RAD51B: variants seen among roughly 807,000 people sequenced by gnomAD.
RAD51B encodes DNA repair protein RAD51 homolog 2.
A neutral mutation model predicts 42.2 loss-of-function variants in RAD51B; 38 were observed. That is an observed-to-expected ratio of 0.90 (90% confidence interval 0.70 to 1.18). The LOEUF is 1.18. Ranked by LOEUF, RAD51B falls within the 50% of genes most tolerant of loss-of-function variation. The pLI, the probability that RAD51B is intolerant of heterozygous loss-of-function variation, is 0.00. For synonymous variants in RAD51B, 154 were observed against 145.2 expected, an observed-to-expected ratio of 1.06 and a Z score of -0.43; for missense variants, 373 against 400.7, an observed-to-expected ratio of 0.93 and a Z score of 0.59.
intron 10 of RAD51B, among the ~76,000 whole-genome samples, chr14:68,552,051 G>A (rs866692468): frequency 6.6e-6 from 1 of 152,198 alleles, no homozygotes. Context: ...CATTCTGTGC[G>A]TGTTTGTTTG....
chr14:67,960,220 A>T (rs1462575608), intron 7 of RAD51B, among the ~76,000 whole-genome samples: 1 of 152,250 alleles, frequency 6.6e-6, no homozygotes, highest in Non-Finnish European at 1.5e-5. Context: ...CAGATGCAGA[A>T]TCAAGTTCAG....
chr14:67,960,806 C>T (rs920681973), intron 7 of RAD51B, among the ~76,000 whole-genome samples: 1 of 151,856 alleles, frequency 6.6e-6, no homozygotes, highest in African/African-American at 2.4e-5. Flanking sequence ...GTAGCTGGAA[C>T]AACAGGCACC....
At chr14:68,142,971 A>G (rs2078160210) in intron 7 of RAD51B, among the ~76,000 whole-genome samples, 1 of 148,194 alleles carries the variant, frequency 6.7e-6, no homozygotes, top group Admixed American at 6.7e-5. Context: ...TGGGCGACAG[A>G]GCAAGACTCT....
chr14:68,363,672 G>T (rs1189461644), intron 8 of RAD51B, among the ~76,000 whole-genome samples: 3 of 152,196 alleles, frequency 2.0e-5, no homozygotes, highest in African/African-American at 7.2e-5. Flanking sequence ...GGTTGGGCCG[G>T]TATCATCTCT....
intron 10 of RAD51B, among the ~76,000 whole-genome samples, chr14:68,579,963 G>A (rs1890137050): frequency 6.6e-6 from 1 of 152,384 alleles, no homozygotes; most frequent in Non-Finnish European, 1.5e-5. Context: ...AGGAGAAGGT[G>A]TGGGAGGGGG....
At chr14:67,928,243 A>G (rs571871126) in intron 7 of RAD51B, among the ~76,000 whole-genome samples, 10 of 152,252 alleles carry the variant, frequency 6.6e-5, no homozygotes, top group Admixed American at 2.6e-4. Flanking sequence ...TATGGCTCCA[A>G]TGAATGGAGG....
intron 7 of RAD51B, among the ~76,000 whole-genome samples, chr14:67,968,282 C>G (rs751448559): frequency 6.6e-6 from 1 of 152,188 alleles, no homozygotes; most frequent in Non-Finnish European, 1.5e-5. Flanking sequence ...ATGACATGCT[C>G]TGGAGAGATT....
At chr14:67,978,366 G>A (rs1373969204) in intron 7 of RAD51B, among the ~76,000 whole-genome samples, 1 of 152,116 alleles carries the variant, frequency 6.6e-6, no homozygotes, top group Admixed American at 6.5e-5. Flanking sequence ...GGAAAATAAA[G>A]AATATCAATT....
At chr14:68,209,597 T>C (rs1373312536) in intron 7 of RAD51B, among the ~76,000 whole-genome samples, 2 of 152,172 alleles carry the variant, frequency 1.3e-5, no homozygotes, top group South Asian at 2.1e-4. Context: ...GAAAGGAGAA[T>C]ATTTAGATCT....
intron 7 of RAD51B, among the ~76,000 whole-genome samples, chr14:68,273,703 A>G (rs924425553): frequency 1.3e-5 from 2 of 151,880 alleles, no homozygotes; most frequent in African/African-American, 4.8e-5. Flanking sequence ...TTTTTTTCTT[A>G]GAGATGTGCT....
chr14:67,859,691 T>C (rs2042103189), intron 4 of RAD51B, among the ~76,000 whole-genome samples: 1 of 152,178 alleles, frequency 6.6e-6, no homozygotes, highest in South Asian at 2.1e-4. Context: ...AAATAATAGA[T>C]ATTTAAAAGC....
intron 7 of RAD51B, among the ~76,000 whole-genome samples, chr14:67,933,330 T>C (rs1348013404): frequency 2.6e-5 from 4 of 152,126 alleles, no homozygotes; most frequent in Non-Finnish European, 4.4e-5. Context: ...TAGTGGGAGA[T>C]CCCAGAATGT....
At chr14:68,480,876 C>T (rs1883124447), downstream of RAD51B, among the ~76,000 whole-genome samples, 1 of 152,166 alleles carries the variant, frequency 6.6e-6, no homozygotes, top group African/African-American at 2.4e-5. Flanking sequence ...CTCAAGAATA[C>T]GGCTGGACAG....
chr14:68,122,161 A>G (rs1274522229), intron 7 of RAD51B, among the ~76,000 whole-genome samples: 2 of 152,164 alleles, frequency 1.3e-5, no homozygotes, highest in East Asian at 3.8e-4. Flanking sequence ...GTTATTTAAG[A>G]TAATTTCTAC....
intron 8 of RAD51B, among the ~76,000 whole-genome samples, chr14:68,337,963 T>G (rs2082491130): frequency 6.6e-6 from 1 of 151,770 alleles, no homozygotes; most frequent in Admixed American, 6.6e-5. Flanking sequence ...TGTTTTGTTT[T>G]GTTTTGTTTT....
At chr14:68,554,076 C>G (rs1490615331) in intron 10 of RAD51B, among the ~76,000 whole-genome samples, 2 of 152,116 alleles carry the variant, frequency 1.3e-5, no homozygotes, top group African/African-American at 4.8e-5. Context: ...AGTGGGTCCC[C>G]CATTTTCAAA....
At chr14:68,077,831 C>T (rs1278612219) in intron 7 of RAD51B, among the ~76,000 whole-genome samples, 1 of 152,230 alleles carries the variant, frequency 6.6e-6, no homozygotes, top group Non-Finnish European at 1.5e-5. Flanking sequence ...TGGCGCAAGC[C>T]TGTAATCCCA....
chr14:67,829,760 G>C (rs148007700), intron 3 of RAD51B, among the ~76,000 whole-genome samples: 17 of 152,110 alleles, frequency 1.1e-4, no homozygotes, highest in African/African-American at 3.9e-4. Context: ...TGGTGAACAA[G>C]TTTATACAGT....
chr14:68,313,839 C>G (rs1292007613), intron 8 of RAD51B, among the ~76,000 whole-genome samples: 19 of 152,202 alleles, frequency 1.2e-4, no homozygotes. Context: ...TTGGAATGGG[C>G]TGACAATAGC....
Sources: gnomAD v4.1 joint callset for allele counts (sites outside exome capture counted in the v4.1 genomes callset) on GRCh38, gnomAD v4.1.1 for gene constraint, MANE v1.5 for transcripts, NCBI Gene and HGNC (gene_info 2026-07-23, HGNC 2026-07-21) for gene names.